SOD2: variants seen among roughly 807,000 people sequenced by gnomAD.
SOD2 encodes the protein superoxide dismutase 2.
Under a neutral mutation model 27.0 loss-of-function variants are expected in SOD2, and 11 were observed. That is an observed-to-expected ratio of 0.41 (90% confidence interval 0.26 to 0.67). The LOEUF (loss-of-function observed/expected upper bound fraction) is 0.67, where lower values mean the gene tolerates loss of function less well. Among genes scored for constraint, SOD2 ranks in the 30% least tolerant of loss-of-function variants. The pLI, the probability that SOD2 is intolerant of heterozygous loss-of-function variation, is 0.34. For missense variants in SOD2, 250 were observed against 274.5 expected, an observed-to-expected ratio of 0.91 and a Z score of 0.63; for synonymous variants, 105 against 103.0, an observed-to-expected ratio of 1.02 and a Z score of -0.12.
At chr6:159,747,154 C>CCTA (rs1779623586), upstream of SOD2, among the ~76,000 whole-genome samples, 1 of 152,144 alleles carries the variant, frequency 6.6e-6, no homozygotes, top group Admixed American at 6.5e-5. Flanking sequence ...GGAGTTAGAT[C>CCTA]TTGGGCCAGA....
intron 1 of SOD2, among the ~76,000 whole-genome samples, chr6:159,710,853 CATAA>C (rs1219106951): frequency 4.1e-5 from 6 of 146,986 alleles, no homozygotes; most frequent in African/African-American, 1.0e-4. Context: ...ATAACCACCT[CATAA>C]CCACCACTCA....
At chr6:159,689,218 T>C (rs370648925) in intron 2 of SOD2, among the ~76,000 whole-genome samples, 47 of 152,348 alleles carry the variant, frequency 3.1e-4, no homozygotes, top group African/African-American at 1.0e-3. Context: ...AGCTGAGCAC[T>C]GCTGCCTCTG....
chr6:159,686,839 A>G (rs962117978), intron 3 of SOD2, among the ~76,000 whole-genome samples: 1 of 152,154 alleles, frequency 6.6e-6, no homozygotes, highest in African/African-American at 2.4e-5. Flanking sequence ...CGGAGCCCAG[A>G]AACAAGAGAC....
At chr6:159,756,624 CAG>C (rs1378043319) in intron 1 of SOD2, among the ~76,000 whole-genome samples, 15 of 82,076 alleles carry the variant, frequency 1.8e-4, no homozygotes, top group African/African-American at 6.2e-4. Flanking sequence ...TTAATTGAGA[CAG>C]GGTCTTGCTT....
intron 1 of SOD2, chr6:159,755,623 C>T (rs1394458125): frequency 6.3e-7 from 1 of 1,575,866 alleles, no homozygotes; most frequent in East Asian, 2.2e-5. Context: ...ATTTTTTCAG[C>T]AAATTTTTAT....
At chr6:159,692,938 G>A in intron 1 of SOD2, 75 bp from the exon 2 acceptor site, 1 of 1,392,792 alleles carries the variant, frequency 7.2e-7, no homozygotes, top group East Asian at 2.7e-5. Context: ...CCGAGGAACG[G>A]CAGCGCGCGG....
intron 1 of SOD2, among the ~76,000 whole-genome samples, chr6:159,759,292 C>G (rs1344045801): frequency 6.7e-6 from 1 of 150,104 alleles, no homozygotes; most frequent in Admixed American, 6.6e-5. Flanking sequence ...CTCCCGACCT[C>G]AGGTGATCTG....
chr6:159,682,749 A>G (rs1339236685), intron 4 of SOD2, 111 bp from the exon 5 acceptor site: 1 of 992,174 alleles, frequency 1.0e-6, no homozygotes, highest in East Asian at 2.9e-5. Flanking sequence ...CCTTTGTAAC[A>G]ATCTCATTCA....
intron 1 of SOD2, among the ~76,000 whole-genome samples, chr6:159,740,867 A>T (rs1282346273): frequency 1.3e-5 from 2 of 151,688 alleles, no homozygotes; most frequent in African/African-American, 4.8e-5. Context: ...ATGCCCTGCT[A>T]ATTTTTTTGT....
In SOD2 at chr6:159,678,346, G is replaced by C. The variant is rs933991140; in HGVS notation, c.*4147C>G. 4.6e-5 allele frequency: 7 copies of C among 152,208 alleles called. No individual in the cohort carries two copies. Among genetic ancestry groups the C allele is most frequent in the Non-Finnish European group, 1.5e-5 (1 of 68,096 alleles). The allele number at this position is 152,208 out of a possible 1,614,324, so 9.4% of individuals were successfully genotyped here. The stretch of plus-strand genomic sequence containing the variant: ...GTTTGAGACCAGCCTGGCCAACAGA[G>C]TGAAACCCCATCTCTACTAAAAATA... On this transcript the variant is annotated 3_prime_UTR_variant, in exon 5 of 5. Transcript: ENST00000538183.
intron 1 of SOD2, among the ~76,000 whole-genome samples, chr6:159,751,122 A>G (rs777982687): frequency 6.6e-6 from 1 of 152,186 alleles, no homozygotes; most frequent in Non-Finnish European, 1.5e-5. Context: ...ATTTTAAAAA[A>G]TTATTTCAAA....
Position 159,719,387 on chromosome 6 carries a change from G to T in SOD2, c.-116+7742C>A, listed in dbSNP as rs894675914. Among the ~76,000 whole-genome samples, 3 of 152,114 alleles carry T rather than the reference G, an allele frequency of 2.0e-5. No individual in the cohort carries two copies. In the South Asian group the frequency reaches 6.2e-4, roughly 31 times the overall value. On this transcript the variant is annotated intron_variant, in intron 1 of 2. Transcript: ENST00000401980. ...TGTCTCTACTCATGTCTCTAGCTGA[G>T]TACGGTGGCATGTGCCTGTAATCCC... is the stretch of plus-strand genomic sequence containing the variant.
intron 1 of SOD2, among the ~76,000 whole-genome samples, chr6:159,732,751 G>A (rs1412805225): frequency 6.6e-6 from 1 of 152,084 alleles, no homozygotes; most frequent in African/African-American, 2.4e-5. Context: ...TTGAATCCAG[G>A]CGGTGGAGGT....
At chr6:159,689,385 T>C (rs1018196849) in intron 2 of SOD2, among the ~76,000 whole-genome samples, 5 of 152,158 alleles carry the variant, frequency 3.3e-5, no homozygotes, top group African/African-American at 7.2e-5. Flanking sequence ...TCCTTCTCAA[T>C]AGGCCCTGTA....
At chr6:159,709,907 CA>C (rs1777698622) in intron 1 of SOD2, among the ~76,000 whole-genome samples, 1 of 151,976 alleles carries the variant, frequency 6.6e-6, no homozygotes, top group Admixed American at 6.6e-5. Context: ...GAAAATGTGG[CA>C]TATATACACC....
chr6:159,759,217 C>A (rs945599264), intron 1 of SOD2, among the ~76,000 whole-genome samples: 1 of 50,162 alleles, frequency 2.0e-5, no homozygotes, highest in Non-Finnish European at 3.8e-5. Context: ...TGTGGCACCA[C>A]GCCCAGCTAA....
At chr6:159,726,776 G>A in intron 1 of SOD2, 3 of 1,289,002 alleles carry the variant, frequency 2.3e-6, no homozygotes, top group East Asian at 5.6e-5. Context: ...AAGGAGGAAC[G>A]AACCCAGCGG....
At chr6:159,717,897 ATGTGTG>A (rs66742481) in intron 1 of SOD2, among the ~76,000 whole-genome samples, 41,211 of 149,456 alleles carry the variant, frequency 0.28, 5,809 homozygotes, top group Admixed American at 0.4. Context: ...ATGTATGGAT[ATGTGTG>A]TGTGTGTGTG....
In SOD2 at chr6:159,687,753, A is replaced by AGCC. The variant is rs547863634; in HGVS notation, c.343+372_343+373insGGC. 4.3e-4 allele frequency among the ~76,000 whole-genome samples: 66 copies of AGCC among 152,158 alleles called. 1 individual carries two copies. In the South Asian group the frequency reaches 8.9e-3, roughly 21 times the overall value. ...GCCAGGCACGGTGGCTCATGCCTGT[A>AGCC]ATCCCAGCACTTTGGGAGGCCAAGG... On this transcript the variant is annotated intron_variant, in intron 3 of 4. Transcript: ENST00000538183.
Sources: gnomAD v4.1 joint callset for allele counts (sites outside exome capture counted in the v4.1 genomes callset) on GRCh38, gnomAD v4.1.1 for gene constraint, MANE v1.5 for transcripts, NCBI Gene and HGNC (gene_info 2026-07-23, HGNC 2026-07-21) for gene names.